Variants in KHDC4 observed in about 807,000 individuals in gnomAD.
KHDC4 encodes KH domain containing 4, pre-mRNA splicing factor, also known as KH homology domain-containing protein 4.
Under a neutral mutation model 74.5 loss-of-function variants are expected in KHDC4, and 19 were observed. The observed-to-expected ratio is 0.26, with a 90% CI of 0.18 to 0.37. KHDC4 has a LOEUF of 0.37. Ranked by LOEUF, KHDC4 falls within the 10% of genes least tolerant of loss-of-function variation. The pLI is 1.00. For synonymous variants in KHDC4, 253 were observed against 266.1 expected, an observed-to-expected ratio of 0.95 and a Z score of 0.48; for missense variants, 632 against 754.1, an observed-to-expected ratio of 0.84 and a Z score of 1.90.
Position 155,921,853 on chromosome 1 carries a change from G to A in KHDC4, c.1012+8C>T, listed in dbSNP as rs1241226099. On this transcript the variant is annotated splice_region_variant and intron_variant, in intron 9 of 13. Transcript: ENST00000368321. ...AAATATTTTTTAAACACTTCAAGATGTACACACCTGGTAAAGGTACAGCAG... is the reference window on the plus strand; with the variant it reads ...AAATATTTTTTAAACACTTCAAGATATACACACCTGGTAAAGGTACAGCAG... The A allele has an allele frequency of 2.5e-6, 4 of 1,590,990 alleles. No homozygotes were observed. In the East Asian group the frequency reaches 6.7e-5, roughly 27 times the overall value.
intron 1 of KHDC4, 39 bp downstream of exon 1, chr1:155,934,297 C>A (rs777559618): frequency 5.7e-5 from 91 of 1,602,238 alleles, no homozygotes; most frequent in Non-Finnish European, 7.5e-5. Context: ...CTCCTGCGCC[C>A]CAGTGCTCGC....
rs946954250 is a variant in KHDC4, at chr1:155,926,749, G to A, written c.608C>T (p.Thr203Ile). 85 of 1,614,060 alleles carry A rather than the reference G, an allele frequency of 5.3e-5. No homozygotes were observed. Among genetic ancestry groups the A allele is most frequent in the Non-Finnish European group, 6.8e-5 (80 of 1,180,028 alleles). ...GATGGGTGCTGGCTGGTGATAGACA[G>A]TTACTGTTGCACCATTAAAAGTTGG... ...TSPTFNGATVTVYHQPAPIAQ... is the reference protein window; with the variant it reads ...TSPTFNGATVIVYHQPAPIAQ... Residue 203 changes from threonine to isoleucine, a missense_variant, in exon 6 of 14, where the codon ACT becomes ATT. This residue lies in a region of KHDC4 where 233 missense variants were observed against 342.6 expected (regional missense o/e 0.68). Coordinates refer to ENST00000368321, the MANE Select transcript of KHDC4 (RefSeq NM_014949.4).
At chr1:155,930,265 C>T (rs771444895) in intron 2 of KHDC4, among the ~76,000 whole-genome samples, 6 of 152,200 alleles carry the variant, frequency 3.9e-5, no homozygotes, top group Non-Finnish European at 8.8e-5. Flanking sequence ...CCAAGTCCCA[C>T]ACCTCCCTAC....
intron 8 of KHDC4, 68 bp downstream of exon 8, chr1:155,923,558 GA>G: frequency 8.3e-7 from 1 of 1,198,264 alleles, no homozygotes; most frequent in South Asian, 1.2e-5. Context: ...ACAGGTGAAA[GA>G]AACAGCTAAG....
intron 11 of KHDC4, 123 bp from the exon 12 acceptor site, chr1:155,916,860 A>C: frequency 3.0e-6 from 2 of 659,290 alleles, no homozygotes; most frequent in Non-Finnish European, 5.3e-6. Flanking sequence ...AACTACTACA[A>C]AGCTCTTTGG....
At position 155,925,751 on chromosome 1, in the gene KHDC4, G is replaced by A. The variant is rs891178038; in HGVS notation, c.774C>T (p.Ser258=). The part of the protein sequence containing the change: ...VKEKVEGPGC[S]YLQHIQIETG... ...TTTCAATCTGAATGTGCTGCAAATA[G>A]GAGCAGCCTGGACCTTCCACCTTCT... Residue 258 remains serine (S), a synonymous_variant, in exon 7 of 14, where the codon TCC becomes TCT. Transcript: ENST00000368321. 2.5e-6 allele frequency: 4 copies of A among 1,613,998 alleles called. 1 individual carries two copies. In the African/African-American group the frequency reaches 5.3e-5, roughly 22 times the overall value.
chr1:155,926,996 T>A (rs1572011902), intron 5 of KHDC4, 108 bp downstream of exon 5: 1 of 1,325,142 alleles, frequency 7.5e-7, no homozygotes, highest in Admixed American at 1.7e-5. Flanking sequence ...GTATAGTTCA[T>A]GAACAAGGGT....
chr1:155,916,789 A>T (rs1457244712), intron 11 of KHDC4, 52 bp from the exon 12 acceptor site: 1 of 1,194,692 alleles, frequency 8.4e-7, no homozygotes, highest in Non-Finnish European at 1.2e-6. Flanking sequence ...TGCCGTATTG[A>T]CTTTAGCTCC....
intron 4 of KHDC4, among the ~76,000 whole-genome samples, chr1:155,927,944 G>A (rs1674054330): frequency 6.7e-6 from 1 of 148,656 alleles, no homozygotes; most frequent in East Asian, 2.0e-4. Flanking sequence ...TGATAATTTA[G>A]ATTCTAAATG....
At chr1:155,926,866 G>A (rs1674012133) in intron 5 of KHDC4, 27 bp from the exon 6 acceptor site, 1 of 1,612,536 alleles carries the variant, frequency 6.2e-7, no homozygotes. Flanking sequence ...CAGTAAAACT[G>A]AATGGAATGA....
intron 8 of KHDC4, among the ~76,000 whole-genome samples, chr1:155,922,253 C>T (rs1475815049): frequency 6.6e-6 from 1 of 150,984 alleles, no homozygotes; most frequent in African/African-American, 2.4e-5. Flanking sequence ...TTAAGCGATT[C>T]TCCTGCTTCA....
intron 8 of KHDC4, chr1:155,922,145 CTTTTTTT>C (rs4020748): frequency 1.1e-3 from 209 of 187,012 alleles, no homozygotes; most frequent in East Asian, 3.0e-3. Context: ...CACTGCAAAT[CTTTTTTT>C]TTTTTTTTTT....
intron 13 of KHDC4, chr1:155,915,630 CCT>C (rs1188262781): frequency 4.3e-5 from 19 of 438,554 alleles, no homozygotes; most frequent in African/African-American, 1.0e-4. Flanking sequence ...GCCTCAACCC[CCT>C]GAGTAGCTGG....
In KHDC4 at chr1:155,913,934, T is replaced by C. The variant is rs973554028; in HGVS notation, c.*187A>G. On this transcript the variant is annotated 3_prime_UTR_variant, in exon 14 of 14. Transcript: ENST00000368321. The stretch of plus-strand genomic sequence containing the variant: ...TCTAATTAAATTTTAACAGATTCTA[T>C]GCCACTGCAGAAATAAGGATTTTTG... 1.2e-5 allele frequency: 7 copies of C among 587,210 alleles called. No homozygotes were observed. Among genetic ancestry groups the C allele is most frequent in the Non-Finnish European group, 2.1e-5 (7 of 329,676 alleles). The allele number at this position is 587,210 out of a possible 1,614,324, so 36.4% of individuals were successfully genotyped here.
At chr1:155,915,532 G>C in intron 13 of KHDC4, 1 of 307,150 alleles carries the variant, frequency 3.3e-6, no homozygotes, top group Non-Finnish European at 5.9e-6. Context: ...TTATGAGATG[G>C]AGTCTTGCTC....
At position 155,921,236 on chromosome 1, in the gene KHDC4, T is replaced by C. The variant is rs539677203; in HGVS notation, c.1266+139A>G. 3.2e-4 allele frequency: 299 copies of C among 932,974 alleles called. 1 individual carries two copies. The highest frequency in any genetic ancestry group is 4.3e-4 in the Non-Finnish European group (264 of 611,360). The allele number at this position is 932,974 out of a possible 1,614,324, so 57.8% of individuals were successfully genotyped here. A position where few individuals can be genotyped will look rare whatever the true frequency, so the allele number is the denominator to read the frequency against. On this transcript the variant is annotated intron_variant, in intron 10 of 13. Transcript: ENST00000368321. ...CACTAATCCAAAATATTCAGGTAGG[T>C]TGGTGGTAGGAACACAGAAGACAGC...
chr1:155,920,424 G>A (rs1398911733), intron 10 of KHDC4, among the ~76,000 whole-genome samples: 1 of 152,008 alleles, frequency 6.6e-6, no homozygotes, highest in Non-Finnish European at 1.5e-5. Flanking sequence ...GCAACAGAGC[G>A]AGACTCTGTC....
intron 10 of KHDC4, among the ~76,000 whole-genome samples, chr1:155,919,433 T>G (rs1011107729): frequency 1.3e-5 from 2 of 152,140 alleles, no homozygotes; most frequent in Admixed American, 6.6e-5. Flanking sequence ...CCTAGCATTT[T>G]GGAAGTCCGA....
chr1:155,930,936 G>A (rs1241641317), intron 2 of KHDC4, among the ~76,000 whole-genome samples: 1 of 152,074 alleles, frequency 6.6e-6, no homozygotes, highest in Non-Finnish European at 1.5e-5. Flanking sequence ...GCTTGAAGCC[G>A]GGAGGCAGAG....
Sources: allele counts gnomAD v4.1 joint callset (sites outside exome capture counted in the v4.1 genomes callset), GRCh38; gene constraint gnomAD v4.1.1; regional missense constraint gnomAD v4.1.1; transcripts MANE v1.5; gene names NCBI Gene and HGNC (gene_info 2026-07-23, HGNC 2026-07-21).